The following DMD variants were observed in gnomAD, a reference collection of about 807,000 sequenced individuals.
The protein encoded by DMD is mutant dystrophin.
A neutral mutation model predicts 330.1 loss-of-function variants in DMD; 63 were observed. The ratio of observed to expected loss-of-function variants is 0.19; its 90% confidence interval spans 0.16 to 0.24. The LOEUF is 0.24. Among genes scored for constraint, DMD ranks in the 10% least tolerant of loss-of-function variants. The probability of loss-of-function intolerance (pLI) is 1.00; values close to 1 mark genes in which losing one functional copy is unlikely to be tolerated. For synonymous variants in DMD, 1,223 were observed against 959.8 expected (o/e 1.27, Z -5.07); for missense variants, 3,344 against 2,684.1 (o/e 1.25, Z -5.43).
chrX:32,391,255 A>G (rs973543903), intron 30 of DMD, among the ~76,000 whole-genome samples: 1 of 111,564 alleles, frequency 9.0e-6, no homozygotes, highest in Non-Finnish European at 1.9e-5. Context: ...TGCCCATAAC[A>G]TTATCATGCA....
chrX:32,826,956 T>C (rs1407799649), intron 4 of DMD, among the ~76,000 whole-genome samples: 1 of 109,739 alleles, frequency 9.1e-6, no homozygotes, highest in Non-Finnish European at 1.9e-5. Context: ...GTATATACAA[T>C]TTTTTTTGCT....
chrX:31,194,528 CACAG>C (rs2042689358), intron 67 of DMD, among the ~76,000 whole-genome samples: 2 of 112,186 alleles, frequency 1.8e-5, no homozygotes, highest in African/African-American at 6.5e-5. Context: ...TGTGTATGTA[CACAG>C]ACAGACACAT....
intron 9 of DMD, among the ~76,000 whole-genome samples, chrX:32,650,504 A>T (rs972112716): frequency 2.7e-5 from 3 of 111,912 alleles, no homozygotes; most frequent in Non-Finnish European, 3.8e-5. Context: ...ACTAAATAAC[A>T]GAAGAGCATT....
chrX:33,269,776 G>A (rs1490940675), intron 1 of DMD, among the ~76,000 whole-genome samples: 1 of 110,598 alleles, frequency 9.0e-6, no homozygotes, highest in African/African-American at 3.3e-5. Context: ...ATCATCAAGA[G>A]TCTGATGGGG....
At chrX:32,162,616 T>TTTTTTG (rs2096853894) in intron 44 of DMD, among the ~76,000 whole-genome samples, 3 of 85,158 alleles carry the variant, frequency 3.5e-5, no homozygotes, top group African/African-American at 6.1e-5. Flanking sequence ...TTTTTTTTTT[T>TTTTTTG]GAGGCGGAGT....
At chrX:31,194,501 G>A (rs2042686342) in intron 67 of DMD, among the ~76,000 whole-genome samples, 1 of 112,218 alleles carries the variant, frequency 8.9e-6, no homozygotes, top group Non-Finnish European at 1.9e-5. Flanking sequence ...AATGGCATAG[G>A]GGAAAATGTG....
intron 44 of DMD, chrX:32,151,497 T>C (rs1417269420): frequency 1.8e-5 from 2 of 111,804 alleles, no homozygotes; most frequent in Admixed American, 9.5e-5. Context: ...TCTCTAGGCA[T>C]TCTTATACAG....
chrX:32,500,644 T>G (rs1185725923), intron 19 of DMD, among the ~76,000 whole-genome samples: 5 of 111,899 alleles, frequency 4.5e-5, no homozygotes. Context: ...GCTGTTAAGT[T>G]GATCAGTTAA....
chrX:31,299,174 A>G (rs1409766364), intron 62 of DMD, among the ~76,000 whole-genome samples: 1 of 111,832 alleles, frequency 8.9e-6, no homozygotes, highest in East Asian at 2.8e-4. Flanking sequence ...CTTTAATTAG[A>G]ATAATAAGGA....
intron 7 of DMD, among the ~76,000 whole-genome samples, chrX:32,805,268 A>T (rs1200168118): frequency 2.7e-5 from 3 of 111,954 alleles, no homozygotes; most frequent in African/African-American, 9.7e-5. Context: ...CAAAACAATA[A>T]ATGACCTGAT....
chrX:31,266,159 C>CAAAAAAAAAAAAAAAAAAAAAA (rs1174153877), intron 62 of DMD, among the ~76,000 whole-genome samples: 9 of 13,329 alleles, frequency 6.8e-4, no homozygotes, highest in Non-Finnish European at 9.6e-4. Context: ...TCCCGAAGGG[C>CAAAAAAAAAAAAAAAAAAAAAA]AAAAAAAAAA....
chrX:32,076,449 A>G (rs1032022675), intron 44 of DMD, among the ~76,000 whole-genome samples: 1 of 101,599 alleles, frequency 9.8e-6, no homozygotes, highest in Non-Finnish European at 2.0e-5. Context: ...TCGTGATCTC[A>G]GCTCACTGCA....
At chrX:32,773,735 TTCTC>T (rs2073873431) in intron 7 of DMD, among the ~76,000 whole-genome samples, 1 of 111,171 alleles carries the variant, frequency 9.0e-6, no homozygotes, top group Non-Finnish European at 1.9e-5. Context: ...TTATTTTTCT[TTCTC>T]TCGCTCTCCT....
At chrX:31,600,769 C>T (rs1268276073) in intron 55 of DMD, among the ~76,000 whole-genome samples, 1 of 108,410 alleles carries the variant, frequency 9.2e-6, no homozygotes, top group Admixed American at 9.9e-5. Context: ...GAGAAAGCCA[C>T]TGCTCCTCCC....
chrX:32,311,795 A>T (rs986274376), intron 41 of DMD, among the ~76,000 whole-genome samples: 3 of 111,998 alleles, frequency 2.7e-5, no homozygotes, highest in African/African-American at 9.7e-5. Flanking sequence ...AAGAAAAATA[A>T]CTCAGCAGGC....
intron 41 of DMD, among the ~76,000 whole-genome samples, chrX:32,324,745 C>CA (rs2097641608): frequency 9.0e-6 from 1 of 111,455 alleles, no homozygotes; most frequent in Non-Finnish European, 1.9e-5. Context: ...TTAAAATAGA[C>CA]AAAAAATACA....
intron 1 of DMD, among the ~76,000 whole-genome samples, chrX:33,303,627 T>A (rs2053702683): frequency 9.0e-6 from 1 of 111,312 alleles, no homozygotes; most frequent in South Asian, 3.8e-4. Flanking sequence ...GGGGGTGGTT[T>A]CCCCATGCTA....
At chrX:33,225,683 A>G (rs1343899612) in intron 1 of DMD, among the ~76,000 whole-genome samples, 1 of 111,434 alleles carries the variant, frequency 9.0e-6, no homozygotes, top group African/African-American at 3.3e-5. Flanking sequence ...TGACGTTAAA[A>G]TCGTGTGCCT....
At chrX:32,331,633 C>A (rs1221063676) in intron 41 of DMD, among the ~76,000 whole-genome samples, 1 of 111,096 alleles carries the variant, frequency 9.0e-6, no homozygotes, top group Non-Finnish European at 1.9e-5. Context: ...TGACTGTAGT[C>A]TATTACTGTA....
Sources: gnomAD v4.1 joint callset for allele counts (sites outside exome capture counted in the v4.1 genomes callset) on GRCh38, gnomAD v4.1.1 for gene constraint, MANE v1.5 for transcripts, NCBI Gene and HGNC (gene_info 2026-07-23, HGNC 2026-07-21) for gene names.